Variants in DPP10 observed in about 807,000 individuals in gnomAD.
DPP10 encodes inactive dipeptidyl peptidase 10.
A neutral mutation model predicts 120.9 loss-of-function variants in DPP10; 33 were observed. That is an observed-to-expected ratio of 0.27 (90% CI 0.21 to 0.37). The LOEUF (loss-of-function observed/expected upper bound fraction) is 0.37, where lower values mean the gene tolerates loss of function less well. Among genes scored for constraint, DPP10 ranks in the 10% least tolerant of loss-of-function variants. DPP10 has a pLI of 1.00. For missense variants in DPP10, 816 were observed against 942.8 expected (o/e 0.87, Z 1.76); for synonymous variants, 337 against 326.1 (o/e 1.03, Z -0.36).
At chr2:115,342,308 G>A (rs2063490983) in intron 2 of DPP10, 1 of 287,594 alleles carries the variant, frequency 3.5e-6, no homozygotes, top group Non-Finnish European at 6.9e-6. Flanking sequence ...CTGTGTTCAA[G>A]CAGTTCTCCC....
At chr2:115,353,647 T>G (rs184898748) in intron 3 of DPP10, among the ~76,000 whole-genome samples, 1 of 152,252 alleles carries the variant, frequency 6.6e-6, no homozygotes. Context: ...GTTTCTACTT[T>G]TCTAGGACAC....
intron 1 of DPP10, among the ~76,000 whole-genome samples, chr2:115,040,678 C>T (rs984265782): frequency 1.3e-5 from 2 of 151,892 alleles, no homozygotes; most frequent in African/African-American, 4.8e-5. Context: ...GTGGATTTCC[C>T]CCTCAGTGTT....
intron 5 of DPP10, among the ~76,000 whole-genome samples, chr2:115,658,075 G>C (rs2088557797): frequency 6.6e-6 from 1 of 151,880 alleles, no homozygotes; most frequent in Admixed American, 6.6e-5. Context: ...AAGACATCTT[G>C]TATGAACTAC....
chr2:115,332,019 G>T (rs531762807), intron 2 of DPP10, among the ~76,000 whole-genome samples: 1 of 151,956 alleles, frequency 6.6e-6, no homozygotes, highest in African/African-American at 2.4e-5. Flanking sequence ...CTCCTTGTAC[G>T]TCTGGTAGAA....
At chr2:115,626,426 A>G (rs970998389) in intron 5 of DPP10, among the ~76,000 whole-genome samples, 7 of 151,970 alleles carry the variant, frequency 4.6e-5, no homozygotes, top group Admixed American at 4.6e-4. Context: ...TTCCTAAAAA[A>G]CTCCATCTTA....
chr2:115,060,465 T>G (rs1374860424), intron 1 of DPP10, among the ~76,000 whole-genome samples: 1 of 152,168 alleles, frequency 6.6e-6, no homozygotes, highest in African/African-American at 2.4e-5. Context: ...TGGTGGCATA[T>G]GCCTGTAGTC....
intron 1 of DPP10, among the ~76,000 whole-genome samples, chr2:114,738,191 CCT>C (rs1302849582): frequency 5.9e-5 from 9 of 152,162 alleles, no homozygotes; most frequent in African/African-American, 2.2e-4. Context: ...CCACCAGGCC[CCT>C]CTTTCAACAC....
chr2:114,519,408 T>C (rs575380642), intron 1 of DPP10, among the ~76,000 whole-genome samples: 15 of 152,216 alleles, frequency 9.9e-5, no homozygotes, highest in Non-Finnish European at 1.9e-4. Context: ...CCCTGAGCTA[T>C]CCTTTGGCCA....
chr2:114,963,841 T>G (rs1024659365), intron 1 of DPP10, among the ~76,000 whole-genome samples: 1 of 152,138 alleles, frequency 6.6e-6, no homozygotes, highest in Non-Finnish European at 1.5e-5. Context: ...AGAAGTGAAG[T>G]CTTTGAAGCA....
At chr2:115,167,405 C>A (rs2052964851) in intron 1 of DPP10, among the ~76,000 whole-genome samples, 1 of 150,870 alleles carries the variant, frequency 6.6e-6, no homozygotes, top group South Asian at 2.1e-4. Flanking sequence ...AACAAACAAA[C>A]AAACAAACAA....
At chr2:114,693,781 T>G (rs139833660) in intron 1 of DPP10, among the ~76,000 whole-genome samples, 1,544 of 152,060 alleles carry the variant, frequency 0.01, 21 homozygotes, top group African/African-American at 0.035. Flanking sequence ...TTGCTCTTTT[T>G]TATTCTTTTA....
chr2:115,144,447 G>T (rs2051108095), intron 1 of DPP10: 1 of 152,010 alleles, frequency 6.6e-6, no homozygotes, highest in African/African-American at 2.4e-5. Context: ...TCAGGAAATT[G>T]TAACTTTGAT....
intron 1 of DPP10, among the ~76,000 whole-genome samples, chr2:115,181,888 A>T (rs900312879): frequency 6.6e-6 from 1 of 152,186 alleles, no homozygotes; most frequent in Non-Finnish European, 1.5e-5. Context: ...AAAATATTAT[A>T]AGGATAAAAG....
At chr2:114,571,974 T>C (rs1024220549) in intron 1 of DPP10, among the ~76,000 whole-genome samples, 1 of 148,970 alleles carries the variant, frequency 6.7e-6, no homozygotes, top group Non-Finnish European at 1.5e-5. Context: ...GTATATATTA[T>C]GTATATGTAG....
chr2:114,676,160 T>C (rs1217664420), intron 1 of DPP10, among the ~76,000 whole-genome samples: 1 of 152,200 alleles, frequency 6.6e-6, no homozygotes, highest in Non-Finnish European at 1.5e-5. Context: ...TCTGCACTTA[T>C]AATTAATCCC....
At chr2:115,427,284 G>A (rs1263076993) in intron 3 of DPP10, among the ~76,000 whole-genome samples, 2 of 152,216 alleles carry the variant, frequency 1.3e-5, no homozygotes, top group Non-Finnish European at 2.9e-5. Flanking sequence ...CTGTGTGGGA[G>A]TTCCAACCCC....
chr2:115,354,944 C>G (rs546340576), intron 3 of DPP10, among the ~76,000 whole-genome samples: 1 of 152,296 alleles, frequency 6.6e-6, no homozygotes, highest in African/African-American at 2.4e-5. Context: ...TTCATCCAGT[C>G]TATCACTGTT....
At chr2:114,880,865 G>A (rs1009941589) in intron 1 of DPP10, among the ~76,000 whole-genome samples, 10 of 152,104 alleles carry the variant, frequency 6.6e-5, no homozygotes, top group African/African-American at 1.7e-4. Flanking sequence ...GTATGCATTC[G>A]TATTGAAAAG....
At chr2:115,385,506 C>T (rs1314635867) in intron 3 of DPP10, among the ~76,000 whole-genome samples, 3 of 152,090 alleles carry the variant, frequency 2.0e-5, no homozygotes, top group Non-Finnish European at 2.9e-5. Context: ...CAGGCGCCCG[C>T]CACCATGCTC....
Sources: allele counts gnomAD v4.1 joint callset (sites outside exome capture counted in the v4.1 genomes callset), GRCh38; gene constraint gnomAD v4.1.1; transcripts MANE v1.5; gene names NCBI Gene and HGNC (gene_info 2026-07-23, HGNC 2026-07-21).